FBN3: variants seen among roughly 807,000 people sequenced by gnomAD.
FBN3 encodes the protein fibrillin-3.
In FBN3, 234 loss-of-function variants were observed where a neutral mutation model predicts 330.1. The observed-to-expected ratio is 0.71, with a 90% CI of 0.64 to 0.79. The LOEUF is 0.79. Ranked by LOEUF, FBN3 falls within the 30% of genes least tolerant of loss-of-function variation. The pLI, the probability that FBN3 is intolerant of heterozygous loss-of-function variation, is 0.00. For missense variants in FBN3, 3,606 were observed against 3,886.9 expected, an observed-to-expected ratio of 0.93 and a Z score of 1.92; for synonymous variants, 1,458 against 1,517.3, an observed-to-expected ratio of 0.96 and a Z score of 0.91.
At chr19:8,123,389 G>T in intron 24 of FBN3, 75 bp downstream of exon 24, 3 of 1,432,542 alleles carry the variant, frequency 2.1e-6, no homozygotes, top group Non-Finnish European at 2.9e-6. Context: ...AACAGGTGTT[G>T]TCTCTACGTC....
chr19:8,072,720 GCACACACACACA>G (rs61403969), intron 62 of FBN3, among the ~76,000 whole-genome samples: 2 of 149,478 alleles, frequency 1.3e-5, no homozygotes, highest in Non-Finnish European at 3.0e-5. Flanking sequence ...ATGCGCGCGT[GCACACACACACA>G]CACACACACA....
chr19:8,138,509 G>C lies in FBN3; in HGVS notation c.921C>G (p.Asp307Glu), dbSNP rs2145020245. Residue 307 changes from aspartate (D) to glutamate (E), a missense_variant, in exon 9 of 64, where the codon GAC (aspartate) becomes GAG (glutamate). Transcript: ENST00000600128. ...SVLFGGRCAG[D>E]LAGHYTRRQC... ...GCCTGCGAGTGTAGTGGCCGGCGAGGTCTCCAGCACAGCGGCCCCCGAAAA... is the reference window on the plus strand; with the variant it reads ...GCCTGCGAGTGTAGTGGCCGGCGAGCTCTCCAGCACAGCGGCCCCCGAAAA... 6.2e-7 allele frequency: 1 copy of C among 1,612,758 alleles called. No homozygotes were observed. The highest frequency in any genetic ancestry group is 8.5e-7 in the Non-Finnish European group (1 of 1,179,984).
Position 8,066,065 on chromosome 19 carries a change from G to A in FBN3, c.8284C>T (p.Gln2762Ter), listed in dbSNP as rs1379814892. The A allele has an allele frequency of 6.2e-7, 1 of 1,613,226 alleles. No homozygotes were observed. Among genetic ancestry groups the A allele is most frequent in the Non-Finnish European group, 8.5e-7 (1 of 1,179,984 alleles). ...MHHLRGVSSL[Q>*]LGRRRPGPGT... ...GGCCCCGGCCGCCTCCGCCCCAGCT[G>A]CAGGGAGCTGACGCCACGGAGGTGA... Residue 2762 changes from glutamine (Q) to a stop codon, truncating the protein, a stop_gained, in exon 64 of 64, where the codon CAG (glutamine) becomes TAG (stop). Coordinates refer to ENST00000600128, the MANE Select transcript of FBN3 (RefSeq NM_032447.5). LOFTEE classifies it low-confidence loss of function (END_TRUNC).
At chr19:8,082,887 AT>A (rs2081839862) in intron 57 of FBN3, among the ~76,000 whole-genome samples, 3 of 87,630 alleles carry the variant, frequency 3.4e-5, no homozygotes, top group African/African-American at 2.4e-4. Flanking sequence ...CAGTGGCACA[AT>A]CAGCTCACTG....
chr19:8,128,755 GAC>G, intron 18 of FBN3, among the ~76,000 whole-genome samples: 1 of 152,150 alleles, frequency 6.6e-6, no homozygotes, highest in East Asian at 1.9e-4. Context: ...ATGTATGCAT[GAC>G]ACATGCAACG....
chr19:8,147,418 C>A lies in FBN3; in HGVS notation c.63G>T (p.Ser21=). 1 of 1,591,394 alleles carries A rather than the reference C, an allele frequency of 6.3e-7. No individual in the cohort carries two copies. The highest frequency in any genetic ancestry group is 8.5e-7 in the Non-Finnish European group (1 of 1,170,396). The change falls in exon 2 of 64, where the codon TCG becomes TCT. Residue 21 remains serine (S), a synonymous_variant. Transcript: ENST00000600128. ...GGCCACCTGCCATGCACAACAGGGC[C>A]GACCAGGCCAGCAGGAGCCGGGCCA... ...GPLARLLLAW[S]ALLCMAGGQG...
rs746713382 is a variant in FBN3 at position 8,096,404 on chromosome 19, C to T, written c.5539+40G>A. 26 of 1,595,286 alleles carry T rather than the reference C, an allele frequency of 1.6e-5. No homozygotes were observed. The highest frequency in any genetic ancestry group is 2.1e-5 in the Non-Finnish European group (25 of 1,169,178). On this transcript the variant is annotated intron_variant, in intron 44 of 63. Transcript: ENST00000600128. This position sits in a 1 kb window ranked among gnomAD's most constrained non-coding sequence, Gnocchi z 4.6. ...TCCCAGGGGAGGTTTAGACCCCAGG[C>T]AGCCTGGCTTGAAAAGGAGGGGGAA...
At chr19:8,139,300 T>C (rs1367970713) in intron 8 of FBN3, among the ~76,000 whole-genome samples, 3 of 152,140 alleles carry the variant, frequency 2.0e-5, no homozygotes, top group Admixed American at 2.0e-4. Flanking sequence ...TGAGCCAAGA[T>C]TGTGCCACTG....
chr19:8,133,424 A>T (rs889674912), intron 13 of FBN3, among the ~76,000 whole-genome samples: 2 of 152,180 alleles, frequency 1.3e-5, no homozygotes, highest in African/African-American at 2.4e-5. Context: ...TGTTCATTTT[A>T]AAATGTTTAA....
intron 1 of FBN3, among the ~76,000 whole-genome samples, chr19:8,148,560 G>A (rs1377675808): frequency 1.3e-5 from 2 of 152,216 alleles, no homozygotes; most frequent in Non-Finnish European, 2.9e-5. Context: ...TGAAGGACGG[G>A]AGGGAGAAGA....
rs1197538463 is a variant in FBN3 at position 8,117,207 on chromosome 19, T to C, written c.3548A>G (p.Gln1183Arg). The C allele has an allele frequency of 6.2e-7, 1 of 1,614,052 alleles. No homozygotes were observed. The highest frequency in any genetic ancestry group is 2.2e-5 in the East Asian group (1 of 44,872). Residue 1183 changes from glutamine to arginine, a missense_variant, in exon 28 of 64, where the codon CAG becomes CGG. Transcript: ENST00000600128. Reference sequence around the variant, plus strand: ...TCCGTCGGGCATCAGCGAGTAGCCCTGCCCACAGCTGCACCGGTAGCTGCC... The same window carrying C: ...TCCGTCGGGCATCAGCGAGTAGCCCCGCCCACAGCTGCACCGGTAGCTGCC... Reference protein sequence around the residue: ...TEGSYRCSCGQGYSLMPDGRA... With the variant: ...TEGSYRCSCGRGYSLMPDGRA...
At position 8,126,794 on chromosome 19, in the gene FBN3, C is replaced by A. The variant is rs371816658; in HGVS notation, c.2335G>T (p.Val779Phe). Residue 779 changes from valine to phenylalanine, a missense_variant, in exon 19 of 64, where the codon GTC becomes TTC. Transcript: ENST00000600128. ...TAGGAGCCGGCCAGGTTCCGACAGA[C>A]GCCACTCACACACGGGCTGGACAGG... The part of the protein sequence containing the change: ...ECLSSPCVSG[V>F]CRNLAGSYTC... 1.3e-5 allele frequency: 20 copies of A among 1,587,332 alleles called. No homozygotes were observed. The highest frequency in any genetic ancestry group is 1.6e-5 in the Non-Finnish European group (19 of 1,169,130).
intron 26 of FBN3, among the ~76,000 whole-genome samples, chr19:8,118,054 T>G (rs1169080619): frequency 6.6e-6 from 1 of 150,520 alleles, no homozygotes. Flanking sequence ...CACTCACACA[T>G]ACACACACAC....
intron 5 of FBN3, among the ~76,000 whole-genome samples, chr19:8,145,526 A>G (rs1166234958): frequency 6.7e-6 from 1 of 149,860 alleles, no homozygotes; most frequent in East Asian, 2.0e-4. Flanking sequence ...TAAAAATACA[A>G]AAAAATTAGT....
At chr19:8,116,599 C>T (rs1038081) in intron 29 of FBN3, 75 bp downstream of exon 29, 339,995 of 1,503,564 alleles carry the variant, frequency 0.23, 44,234 homozygotes, top group African/African-American at 0.48. Context: ...TATGTGCCAC[C>T]TTGTGGAAGA....
rs1401287000 is a variant in FBN3, at chr19:8,091,554, A to G, written c.5942T>C (p.Leu1981Pro). ...DECSEEPNLC[L>P]FGTCTNSPGS... ...AGGGCTGTTGGTACAGGTGCCAAAG[A>G]GGCAGAGGTTGGGCTCCTCTGAGCA... Residue 1981 changes from leucine to proline, a missense_variant, in exon 48 of 64, where the codon CTC (leucine) becomes CCC (proline). By Grantham distance (98) the Leu-to-Pro change is moderately conservative. Transcript: ENST00000600128. 2 of 1,614,190 alleles carry G rather than the reference A, an allele frequency of 1.2e-6. No homozygotes were observed. Among genetic ancestry groups the G allele is most frequent in the South Asian group, 2.2e-5 (2 of 91,086 alleles).
chr19:8,094,592 T>A (rs758294573), intron 46 of FBN3, 27 bp from the exon 47 acceptor site: 1 of 1,604,242 alleles, frequency 6.2e-7, no homozygotes, highest in South Asian at 1.1e-5. Flanking sequence ...GAAAGGTCCT[T>A]GTGCCAGCCA....
At chr19:8,086,620 CTATT>C (rs1164631745) in intron 54 of FBN3, among the ~76,000 whole-genome samples, 2 of 61,224 alleles carry the variant, frequency 3.3e-5, no homozygotes, top group African/African-American at 1.5e-4. Flanking sequence ...CCACGCCCAG[CTATT>C]TTTTTTTTTT....
Position 8,065,721 on chromosome 19 carries a change from C to G in FBN3, c.*198G>C. 1 of 570,672 alleles carries G rather than the reference C, an allele frequency of 1.8e-6. No homozygotes were observed. The highest frequency in any genetic ancestry group is 3.1e-6 in the Non-Finnish European group (1 of 323,438). The allele number at this position is 570,672 out of a possible 1,614,324, so 35.4% of individuals were successfully genotyped here. On this transcript the variant is annotated 3_prime_UTR_variant, in exon 64 of 64. Transcript: ENST00000600128. ...AGCTTCTTGCTGTCTCCAGGAAAGACTGAGTAACTGGGGGGCCCCCGGGGC... is the reference window on the plus strand; with the variant it reads ...AGCTTCTTGCTGTCTCCAGGAAAGAGTGAGTAACTGGGGGGCCCCCGGGGC...
Sources: allele counts gnomAD v4.1 joint callset (sites outside exome capture counted in the v4.1 genomes callset), GRCh38; gene constraint gnomAD v4.1.1; non-coding constraint Gnocchi (gnomAD v3.1); transcripts MANE v1.5; gene names NCBI Gene and HGNC (gene_info 2026-07-23, HGNC 2026-07-21).